KIRREL3: variants seen among roughly 807,000 people sequenced by gnomAD.
The protein encoded by KIRREL3 is kirre like nephrin family adhesion molecule 3.
A neutral mutation model predicts 89.7 loss-of-function variants in KIRREL3; 36 were observed. That is an observed-to-expected ratio of 0.40 (90% CI 0.31 to 0.53). The LOEUF (loss-of-function observed/expected upper bound fraction) is 0.53, where lower values mean the gene tolerates loss of function less well. Ranked by LOEUF, KIRREL3 falls within the 20% of genes least tolerant of loss-of-function variation. The pLI, the probability that KIRREL3 is intolerant of heterozygous loss-of-function variation, is 0.49. For missense variants in KIRREL3, 864 were observed against 1,056.6 expected (o/e 0.82, Z 2.53); for synonymous variants, 445 against 441.4 (o/e 1.01, Z -0.10).
At chr11:126,549,502 C>T (rs1392330387) in intron 2 of KIRREL3, 1 of 152,172 alleles carries the variant, frequency 6.6e-6, no homozygotes, top group Non-Finnish European at 1.5e-5. Context: ...CTGCTCATTC[C>T]AGCGCACGGC....
chr11:126,528,636 GT>G lies in KIRREL3; in HGVS notation c.134-1950del, dbSNP rs369085524. Among the ~76,000 whole-genome samples the G allele has an allele frequency of 4.3e-4, 64 of 149,688 alleles. 2 individuals carry two copies. Among genetic ancestry groups the G allele is most frequent in the African/African-American group, 1.4e-3 (58 of 40,786 alleles). ...CATTTTAATCAGCTATGTATGGTAG[GT>G]TTTTTTTTTCCTCTCTGTCTCTTCA... On this transcript the variant is annotated intron_variant, in intron 2 of 16. Transcript: ENST00000525144. The surrounding 1 kb of genome is among the most constrained non-coding windows in gnomAD (Gnocchi z 4.6).
chr11:126,481,673 C>T (rs1216078975), intron 4 of KIRREL3, among the ~76,000 whole-genome samples: 1 of 152,254 alleles, frequency 6.6e-6, no homozygotes, highest in African/African-American at 2.4e-5. Flanking sequence ...TCAGATTTGT[C>T]TCTTTCCATT....
At chr11:126,845,975 T>A (rs1173915636) in intron 1 of KIRREL3, among the ~76,000 whole-genome samples, 1 of 152,210 alleles carries the variant, frequency 6.6e-6, no homozygotes, top group African/African-American at 2.4e-5. Flanking sequence ...AAAAAACCTC[T>A]GTTTTCCTCA....
chr11:126,446,004 T>C lies in KIRREL3; in HGVS notation c.1125+755A>G, dbSNP rs185783598. On this transcript the variant is annotated intron_variant, in intron 9 of 16. Coordinates refer to ENST00000525144, the MANE Select transcript of KIRREL3 (RefSeq NM_032531.4). The stretch of plus-strand genomic sequence containing the variant: ...TCTCTACTAAAAATACAAAATTAGC[T>C]GGGCGTGGTGGCCCATACCCATAGT... Among the ~76,000 whole-genome samples the C allele has an allele frequency of 4.1e-4, 63 of 152,158 alleles. No homozygotes were observed. The East Asian group carries it at 0.011, about 26-fold the overall frequency.
At chr11:126,889,021 G>T (rs531810980) in intron 1 of KIRREL3, among the ~76,000 whole-genome samples, 1 of 152,238 alleles carries the variant, frequency 6.6e-6, no homozygotes, top group African/African-American at 2.4e-5. Flanking sequence ...CTTACCCAAG[G>T]GGTGTGCCTG....
intron 1 of KIRREL3, among the ~76,000 whole-genome samples, chr11:126,648,593 C>T (rs1330629440): frequency 3.3e-5 from 5 of 152,198 alleles, no homozygotes; most frequent in Admixed American, 6.5e-5. Flanking sequence ...ATGTCTCCTC[C>T]ACTAGAATGT....
chr11:126,974,699 T>C (rs1298610), intron 1 of KIRREL3, among the ~76,000 whole-genome samples: 3 of 151,644 alleles, frequency 2.0e-5, no homozygotes, highest in Admixed American at 1.3e-4. Context: ...CACACCTAGG[T>C]TACATGTATA....
intron 1 of KIRREL3, among the ~76,000 whole-genome samples, chr11:126,583,372 C>T (rs1407351600): frequency 6.6e-6 from 1 of 152,178 alleles, no homozygotes; most frequent in Non-Finnish European, 1.5e-5. Flanking sequence ...AGGTCTTCTC[C>T]TCAGCTTAAG....
At chr11:126,777,402 A>AGGAGCAC (rs1250838031) in intron 1 of KIRREL3, among the ~76,000 whole-genome samples, 24 of 152,318 alleles carry the variant, frequency 1.6e-4, no homozygotes, top group Middle Eastern at 3.4e-3. Flanking sequence ...AGGCAATGGC[A>AGGAGCAC]AGAGATGAGG....
In KIRREL3 at chr11:126,521,333, C is replaced by T. The variant is rs941533257; in HGVS notation, c.415G>A (p.Ala139Thr). ...AIQAAIRSRP[A>T]RLTVLVPPDD... ...TTCTTACCCAGGACTGTGAGGCGTG[C>T]GGGGCGGGAGCGGATGGCGGCCTGG... The change falls in exon 4 of 17, where the codon GCA becomes ACA. Residue 139 changes from alanine (A) to threonine (T), a missense_variant. Physicochemically the swap from Ala to Thr is moderately conservative, Grantham distance 58. Transcript: ENST00000525144. This position sits in a 1 kb window ranked among gnomAD's most constrained non-coding sequence, Gnocchi z 4.1. The T allele has an allele frequency of 7.7e-6, 12 of 1,548,860 alleles. No homozygotes were observed. The highest frequency in any genetic ancestry group is 1.4e-5 in the African/African-American group (1 of 73,064).
In KIRREL3 at chr11:126,860,853, C is replaced by T. The variant is rs1448195389; in HGVS notation, c.55+139602G>A. Among the ~76,000 whole-genome samples, 3 of 152,072 alleles carry T rather than the reference C, an allele frequency of 2.0e-5. No homozygotes were observed. The highest frequency in any genetic ancestry group is 4.4e-5 in the Non-Finnish European group (3 of 68,012). ...GTGGACACATTGAAAGTTTAGTGAT[C>T]CTACACTTGATTCTTCTCGCAGTTT... On this transcript the variant is annotated intron_variant, in intron 1 of 16. Transcript: ENST00000525144. This position sits in a 1 kb window ranked among gnomAD's most constrained non-coding sequence, Gnocchi z 4.6.
chr11:126,630,854 C>T (rs937533759), intron 1 of KIRREL3, among the ~76,000 whole-genome samples: 5 of 152,138 alleles, frequency 3.3e-5, no homozygotes, highest in Non-Finnish European at 5.9e-5. Flanking sequence ...AGGGTGAGCC[C>T]GCCCTTTGGA....
At chr11:126,433,252 G>A (rs567868178) in intron 13 of KIRREL3, among the ~76,000 whole-genome samples, 4 of 152,350 alleles carry the variant, frequency 2.6e-5, no homozygotes, top group South Asian at 2.1e-4. Flanking sequence ...CCCTGCGTTC[G>A]TCAGTGTGGG....
intron 5 of KIRREL3, among the ~76,000 whole-genome samples, chr11:126,465,274 G>A (rs1361659428): frequency 1.3e-5 from 2 of 152,168 alleles, no homozygotes; most frequent in Non-Finnish European, 2.9e-5. Flanking sequence ...TAATTCTTAT[G>A]AGGGCCCCGG....
chr11:126,573,982 A>G (rs377434616), intron 1 of KIRREL3, among the ~76,000 whole-genome samples: 162 of 152,280 alleles, frequency 1.1e-3, no homozygotes, highest in African/African-American at 3.8e-3. Context: ...TATTCTTGTC[A>G]GAGATACTTT....
chr11:126,805,134 G>A lies in KIRREL3; in HGVS notation c.55+195321C>T, dbSNP rs1023063138. ...CCTGCAATGAAGGAGTTATATGTGT[G>A]TGCATGTATGTATTCATACATTAAT... On this transcript the variant is annotated intron_variant, in intron 1 of 16. Coordinates refer to ENST00000525144, the MANE Select transcript of KIRREL3 (RefSeq NM_032531.4). The surrounding 1 kb of genome is among the most constrained non-coding windows in gnomAD (Gnocchi z 4.3). Among the ~76,000 whole-genome samples, 1 of 152,168 alleles carries A rather than the reference G, an allele frequency of 6.6e-6. No individual in the cohort carries two copies. Among genetic ancestry groups the A allele is most frequent in the African/African-American group, 2.4e-5 (1 of 41,428 alleles).
In KIRREL3 at chr11:126,565,804, C is replaced by T. The variant is rs1429423112; in HGVS notation, c.56-2892G>A. ...ACCCAAGTGGGGAGGTGAATATTGT[C>T]CAAGCTACTAACCACAGAGAGAACC... On this transcript the variant is annotated intron_variant, in intron 1 of 16. Transcript: ENST00000525144. The surrounding 1 kb of genome is among the most constrained non-coding windows in gnomAD (Gnocchi z 5.4). Among the ~76,000 whole-genome samples the T allele has an allele frequency of 6.6e-6, 1 of 151,936 alleles. No homozygotes were observed. The highest frequency in any genetic ancestry group is 2.4e-5 in the African/African-American group (1 of 41,356).
At chr11:126,468,536 C>G (rs1357224655) in intron 5 of KIRREL3, among the ~76,000 whole-genome samples, 1 of 152,214 alleles carries the variant, frequency 6.6e-6, no homozygotes, top group African/African-American at 2.4e-5. Flanking sequence ...GGGAAGGGGC[C>G]TGGTGCCCTC....
rs61108090 is a variant in KIRREL3 at position 126,514,813 on chromosome 11, CCAACACAACA to C, written c.433+6492_433+6501del. Among the ~76,000 whole-genome samples, 1,159 of 145,768 alleles carry C rather than the reference CCAACACAACA, an allele frequency of 8.0e-3. 6 individuals are homozygous for C. Among genetic ancestry groups the C allele is most frequent in the East Asian group, 0.035 (173 of 4,938 alleles). Reference sequence around the variant, plus strand: ...CCAGGCGCTTAGCCACATTGCCTCTCCAACACAACACAACACAACACAACACAACACAACA... The same window carrying C: ...CCAGGCGCTTAGCCACATTGCCTCTCCAACACAACACAACACAACACAACA... On this transcript the variant is annotated intron_variant, in intron 4 of 16. Transcript: ENST00000525144.
Sources: allele counts gnomAD v4.1 joint callset (sites outside exome capture counted in the v4.1 genomes callset), GRCh38; gene constraint gnomAD v4.1.1; non-coding constraint Gnocchi (gnomAD v3.1); transcripts MANE v1.5; gene names NCBI Gene and HGNC (gene_info 2026-07-23, HGNC 2026-07-21).